ERBB4: variants seen among roughly 807,000 people sequenced by gnomAD.
ERBB4 encodes the protein erb-b2 receptor tyrosine kinase 4.
A neutral mutation model predicts 158.0 loss-of-function variants in ERBB4; 42 were observed. That is an observed-to-expected ratio of 0.27 (90% CI 0.21 to 0.34). ERBB4 has a LOEUF of 0.34. ERBB4 is among the 10% of genes least tolerant of loss of function. The pLI, the probability that ERBB4 is intolerant of heterozygous loss-of-function variation, is 1.00. For synonymous variants in ERBB4, 583 were observed against 558.7 expected (o/e 1.04, Z -0.61); for missense variants, 1,333 against 1,624.1 (o/e 0.82, Z 3.08).
At chr2:211,784,757 T>C (rs2076116781) in intron 4 of ERBB4, among the ~76,000 whole-genome samples, 2 of 152,180 alleles carry the variant, frequency 1.3e-5, no homozygotes, top group Admixed American at 6.5e-5. Context: ...ACATTTGTTA[T>C]TTTCTTTTTT....
At chr2:212,187,268 G>A (rs1244997987) in intron 1 of ERBB4, among the ~76,000 whole-genome samples, 1 of 151,958 alleles carries the variant, frequency 6.6e-6, no homozygotes, top group African/African-American at 2.4e-5. Flanking sequence ...ACAATTACCA[G>A]CATGTGAGAT....
At chr2:211,409,499 A>G (rs770134570) in intron 25 of ERBB4, among the ~76,000 whole-genome samples, 63 of 152,202 alleles carry the variant, frequency 4.1e-4, no homozygotes, top group Admixed American at 1.3e-3. Flanking sequence ...GAGTCCCGAT[A>G]CAGACATTGT....
At chr2:211,825,933 G>A (rs1382742413) in intron 3 of ERBB4, among the ~76,000 whole-genome samples, 1 of 148,246 alleles carries the variant, frequency 6.7e-6, no homozygotes, top group East Asian at 2.0e-4. Flanking sequence ...GGGAGCTTTG[G>A]CTTAGGAAAA....
intron 1 of ERBB4, among the ~76,000 whole-genome samples, chr2:212,188,484 T>C (rs540733844): frequency 1.3e-5 from 2 of 152,010 alleles, no homozygotes; most frequent in South Asian, 2.1e-4. Flanking sequence ...GTAACCAGAA[T>C]GCTTTTTAAA....
intron 1 of ERBB4, among the ~76,000 whole-genome samples, chr2:212,337,896 C>T (rs2088520921): frequency 6.6e-6 from 1 of 152,000 alleles, no homozygotes; most frequent in Admixed American, 6.6e-5. Context: ...TGCCATTGCT[C>T]CTTGGATGAA....
intron 3 of ERBB4, among the ~76,000 whole-genome samples, chr2:211,905,763 T>TATATATATATATAC (rs566719974): frequency 1.6e-4 from 22 of 141,518 alleles, no homozygotes; most frequent in African/African-American, 5.8e-4. Flanking sequence ...TATATATATA[T>TATATATATATATAC]ACTATTATGT....
chr2:211,788,119 G>A lies in ERBB4; in HGVS notation c.462C>T (p.Phe154=), dbSNP rs749011668. 22 of 1,611,258 alleles carry A rather than the reference G, an allele frequency of 1.4e-5. No homozygotes were observed. In the South Asian group the frequency reaches 2.2e-4, roughly 16 times the overall value. ...NGGVYVDQNK[F]LCYADTIHWQ... is the part of the protein sequence containing the mutation. The stretch of plus-strand genomic sequence containing the variant: ...AATGAATGGTGTCTGCATAACAAAG[G>A]AATTTGTTCTGGTCTACATAGACTC... The change falls in exon 4 of 28, where the codon TTC becomes TTT. Residue 154 remains phenylalanine, a synonymous_variant. Transcript: ENST00000342788.
At chr2:212,029,625 T>C (rs2076854792) in intron 2 of ERBB4, among the ~76,000 whole-genome samples, 1 of 152,178 alleles carries the variant, frequency 6.6e-6, no homozygotes, top group South Asian at 2.1e-4. Context: ...CTTTCTATAA[T>C]TTGCAATATC....
chr2:211,446,108 G>A lies in ERBB4; in HGVS notation c.2488-15008C>T, dbSNP rs1259675757. Among the ~76,000 whole-genome samples the A allele has an allele frequency of 2.6e-5, 4 of 152,288 alleles. No homozygotes were observed. In the East Asian group the frequency reaches 7.7e-4, roughly 29 times the overall value. Reference sequence around the variant, plus strand: ...CACTAACATAAGTTGAGGATGAGAGGAAAGATGGGGTAGAGTGAATAGTTT... The same window carrying A: ...CACTAACATAAGTTGAGGATGAGAGAAAAGATGGGGTAGAGTGAATAGTTT... On this transcript the variant is annotated intron_variant, in intron 20 of 27. Coordinates refer to ENST00000342788, the MANE Select transcript of ERBB4 (RefSeq NM_005235.3).
chr2:212,512,629 A>G (rs892787281), intron 1 of ERBB4, among the ~76,000 whole-genome samples: 3 of 152,200 alleles, frequency 2.0e-5, no homozygotes, highest in African/African-American at 7.2e-5. Context: ...TCAGTTTTAA[A>G]AAGTATTTTA....
At chr2:212,265,426 C>G (rs13008417) in intron 1 of ERBB4, among the ~76,000 whole-genome samples, 16,687 of 151,992 alleles carry the variant, frequency 0.11, 1,139 homozygotes, top group South Asian at 0.31. Context: ...AACTTAATAA[C>G]AGTAAAAGAA....
chr2:212,468,049 C>T (rs1688928131), intron 1 of ERBB4, among the ~76,000 whole-genome samples: 1 of 152,148 alleles, frequency 6.6e-6, no homozygotes, highest in Admixed American at 6.5e-5. Flanking sequence ...TTGTTTTGGC[C>T]AATTTCTCCC....
rs1033640772 is a variant in ERBB4 at position 211,382,895 on chromosome 2, T to C, written c.*720A>G. 1.3e-5 allele frequency: 3 copies of C among 232,560 alleles called. No individual in the cohort carries two copies. The highest frequency in any genetic ancestry group is 2.5e-5 in the Non-Finnish European group (3 of 117,784). The allele number at this position is 232,560 out of a possible 1,614,324, so 14.4% of individuals were successfully genotyped here. ...GTGAAGAAGCTTTGATGTAAACATC[T>C]TTGCAATTAGAAATTAAAGCCAAAA... On this transcript the variant is annotated 3_prime_UTR_variant, in exon 28 of 28. Transcript: ENST00000342788.
At chr2:212,192,022 TTATATATGTTATATGTTA>T (rs1167867466) in intron 1 of ERBB4, among the ~76,000 whole-genome samples, 24 of 52,900 alleles carry the variant, frequency 4.5e-4, no homozygotes, top group East Asian at 2.9e-3. Context: ...ATGTTATATG[TTATATATGTTATATGTTA>T]TATATATGTT....
chr2:212,348,924 A>C (rs1250495547), intron 1 of ERBB4, among the ~76,000 whole-genome samples: 1 of 152,172 alleles, frequency 6.6e-6, no homozygotes, highest in African/African-American at 2.4e-5. Context: ...GTTTTTAACC[A>C]AAACTCCACT....
In ERBB4 at chr2:211,424,242, G is replaced by A. The variant is rs537458255; in HGVS notation, c.2779C>T (p.Arg927Ter). 7 of 1,612,924 alleles carry A rather than the reference G, an allele frequency of 4.3e-6. No homozygotes were observed. Among genetic ancestry groups the A allele is most frequent in the Middle Eastern group, 1.7e-4 (1 of 6,060 alleles). The change falls in exon 23 of 28, where the codon CGA becomes TGA. Residue 927 changes from arginine (R) to a stop codon, truncating the protein, a stop_gained. Transcript: ENST00000342788. LOFTEE classifies it high-confidence loss of function. ...GGKPYDGIPT[R>*]EIPDLLEKGE... ...TTCTCTAATAAATCAGGGATTTCTC[G>A]CGTTGGAATTCCATCATAGGGTTTT... is the stretch of plus-strand genomic sequence containing the variant.
chr2:211,744,466 T>C (rs2074900229), intron 5 of ERBB4, among the ~76,000 whole-genome samples: 1 of 152,240 alleles, frequency 6.6e-6, no homozygotes, highest in Non-Finnish European at 1.5e-5. Flanking sequence ...TCTTCATTTC[T>C]TCTGTTTAAA....
At chr2:211,582,781 T>C (rs1042306210) in intron 19 of ERBB4, among the ~76,000 whole-genome samples, 2 of 152,174 alleles carry the variant, frequency 1.3e-5, no homozygotes, top group African/African-American at 4.8e-5. Flanking sequence ...TGTTAAAACA[T>C]GTACTGGAAC....
intron 3 of ERBB4, among the ~76,000 whole-genome samples, chr2:211,877,688 G>T (rs144842534): frequency 6.6e-6 from 1 of 151,856 alleles, no homozygotes; most frequent in Non-Finnish European, 1.5e-5. Context: ...AAAACAATTT[G>T]TATAGGAAAT....
Sources: allele counts gnomAD v4.1 joint callset (sites outside exome capture counted in the v4.1 genomes callset), GRCh38; gene constraint gnomAD v4.1.1; transcripts MANE v1.5; gene names NCBI Gene and HGNC (gene_info 2026-07-23, HGNC 2026-07-21).